CLEC16A: variants seen among roughly 807,000 people sequenced by gnomAD.
CLEC16A encodes the protein C-type lectin domain containing 16A.
CLEC16A carries 51 observed loss-of-function variants against 109.5 expected under a neutral mutation model. The observed-to-expected ratio is 0.47, with a 90% CI of 0.37 to 0.59. The LOEUF is 0.59. Ranked by LOEUF, CLEC16A falls within the 20% of genes least tolerant of loss-of-function variation. CLEC16A has a pLI of 0.00. For synonymous variants in CLEC16A, 673 were observed against 564.2 expected (o/e 1.19, Z -2.73); for missense variants, 1,339 against 1,394.0 (o/e 0.96, Z 0.63).
At chr16:11,169,450 C>G (rs544873179) in intron 23 of CLEC16A, among the ~76,000 whole-genome samples, 14 of 152,274 alleles carry the variant, frequency 9.2e-5, no homozygotes, top group African/African-American at 2.9e-4. Flanking sequence ...CCATGCCCAA[C>G]TAATTTTTGT....
At chr16:11,049,853 G>T (rs918544504) in intron 17 of CLEC16A, among the ~76,000 whole-genome samples, 2 of 152,232 alleles carry the variant, frequency 1.3e-5, no homozygotes, top group Non-Finnish European at 2.9e-5. Flanking sequence ...AGTGAGGCAG[G>T]AACTGCCACC....
intron 19 of CLEC16A, among the ~76,000 whole-genome samples, chr16:11,062,461 G>C (rs187120469): frequency 6.6e-6 from 1 of 152,286 alleles, no homozygotes; most frequent in East Asian, 1.9e-4. Context: ...TGTAAAACGA[G>C]ATGGTCTTTC....
At chr16:11,020,400 A>T (rs766763248) in intron 12 of CLEC16A, 75 bp downstream of exon 12, 446 of 1,470,958 alleles carry the variant, frequency 3.0e-4, no homozygotes, top group Non-Finnish European at 4.0e-4. Context: ...GTTGAGCCCT[A>T]GGGCCAGAGC....
intron 2 of CLEC16A, among the ~76,000 whole-genome samples, chr16:10,959,519 G>A (rs561262361): frequency 1.1e-3 from 174 of 152,290 alleles, no homozygotes; most frequent in African/African-American, 4.0e-3. Context: ...AGCCTCTGGA[G>A]TAGTTGGGAT....
At chr16:10,977,828 C>G (rs939287632) in intron 8 of CLEC16A, among the ~76,000 whole-genome samples, 2 of 152,138 alleles carry the variant, frequency 1.3e-5, no homozygotes, top group African/African-American at 2.4e-5. Context: ...AAGGGAGATT[C>G]CTTTCAAAGC....
At chr16:11,075,002 G>A (rs2049269611) in intron 19 of CLEC16A, among the ~76,000 whole-genome samples, 1 of 152,222 alleles carries the variant, frequency 6.6e-6, no homozygotes, top group Non-Finnish European at 1.5e-5. Context: ...GTGAGACCCT[G>A]TCTCTACAAA....
intron 2 of CLEC16A, among the ~76,000 whole-genome samples, chr16:10,958,836 C>T (rs571595240): frequency 1.3e-5 from 2 of 151,976 alleles, no homozygotes; most frequent in Non-Finnish European, 2.9e-5. Flanking sequence ...CCCAGGAGGT[C>T]CAGGCTGCAA....
At chr16:11,005,935 T>A (rs1829340321) in intron 11 of CLEC16A, among the ~76,000 whole-genome samples, 1 of 152,074 alleles carries the variant, frequency 6.6e-6, no homozygotes, top group Admixed American at 6.6e-5. Context: ...TGGAAATTTC[T>A]GAATATAGAA....
At position 10,944,709 on chromosome 16, in the gene CLEC16A, G is replaced by T; in HGVS notation, c.-9G>T. ...ACCGTGAGACGAGAGACGGGTCGGG[G>T]CCGCCGACATGTTTGGCCGCTCGCG... On this transcript the variant is annotated 5_prime_UTR_variant, in exon 1 of 24. Transcript: ENST00000409790. 6.2e-7 allele frequency: 1 copy of T among 1,602,024 alleles called. No homozygotes were observed. Among genetic ancestry groups the T allele is most frequent in the Non-Finnish European group, 8.5e-7 (1 of 1,175,156 alleles).
At chr16:11,111,511 G>A (rs548796471) in intron 19 of CLEC16A, among the ~76,000 whole-genome samples, 8 of 152,350 alleles carry the variant, frequency 5.3e-5, no homozygotes, top group African/African-American at 1.7e-4. Context: ...GGTTCAAGGA[G>A]AAGGGTAGAC....
chr16:11,172,084 A>C (rs187135253), intron 23 of CLEC16A, among the ~76,000 whole-genome samples: 3 of 152,258 alleles, frequency 2.0e-5, no homozygotes, highest in Admixed American at 1.3e-4. Flanking sequence ...ATGCCACTGC[A>C]CATGCTCACA....
chr16:11,141,499 G>A (rs756734211), intron 22 of CLEC16A, among the ~76,000 whole-genome samples: 18 of 152,198 alleles, frequency 1.2e-4, no homozygotes, highest in Non-Finnish European at 8.8e-5. Context: ...CTGGGTTGTC[G>A]GGGACCGTGG....
intron 19 of CLEC16A, among the ~76,000 whole-genome samples, chr16:11,076,974 A>C (rs997049684): frequency 6.6e-6 from 1 of 152,218 alleles, no homozygotes; most frequent in African/African-American, 2.4e-5. Flanking sequence ...TGTGACCTTG[A>C]ATCCTAAATC....
chr16:11,156,917 G>GCCCCCAC (rs2054549228), intron 22 of CLEC16A, among the ~76,000 whole-genome samples: 1 of 77,308 alleles, frequency 1.3e-5, no homozygotes, highest in Admixed American at 1.5e-4. Context: ...CCAAATGCCC[G>GCCCCCAC]CCCCCCCCCC....
chr16:11,094,731 G>A (rs949725126), intron 19 of CLEC16A, among the ~76,000 whole-genome samples: 4 of 152,172 alleles, frequency 2.6e-5, no homozygotes, highest in African/African-American at 9.7e-5. Context: ...TGCCTCTGCC[G>A]TGTAGTTTCT....
At chr16:11,108,047 A>G (rs576837118) in intron 19 of CLEC16A, among the ~76,000 whole-genome samples, 1 of 152,302 alleles carries the variant, frequency 6.6e-6, no homozygotes, top group South Asian at 2.1e-4. Context: ...CCCTCAAGTC[A>G]CCAATGTAAT....
intron 19 of CLEC16A, among the ~76,000 whole-genome samples, chr16:11,074,544 T>A (rs1404768426): frequency 6.6e-6 from 1 of 152,226 alleles, no homozygotes; most frequent in Non-Finnish European, 1.5e-5. Flanking sequence ...GATTGGTACC[T>A]GTCTGCTGGA....
At chr16:11,029,169 A>G (rs551243781) in intron 13 of CLEC16A, among the ~76,000 whole-genome samples, 1 of 152,156 alleles carries the variant, frequency 6.6e-6, no homozygotes, top group South Asian at 2.1e-4. Flanking sequence ...TGGTCCAGAC[A>G]GCCTTCAGTT....
Position 11,166,372 on chromosome 16 carries a change from G to T in CLEC16A, c.2642-16G>T. ...CTCTTTGCTTCCACTTGGTCACCTG[G>T]TACTTTGTCTTGCAGGCTTCGCCGT... On this transcript the variant is annotated splice_polypyrimidine_tract_variant and intron_variant, in intron 22 of 23. Coordinates refer to ENST00000409790, the MANE Select transcript of CLEC16A (RefSeq NM_015226.3). 1 of 1,587,282 alleles carries T rather than the reference G, an allele frequency of 6.3e-7. No individual in the cohort carries two copies. The highest frequency in any genetic ancestry group is 8.5e-7 in the Non-Finnish European group (1 of 1,169,774).
Sources: gnomAD v4.1 joint callset for allele counts (sites outside exome capture counted in the v4.1 genomes callset) on GRCh38, gnomAD v4.1.1 for gene constraint, MANE v1.5 for transcripts, NCBI Gene and HGNC (gene_info 2026-07-23, HGNC 2026-07-21) for gene names.